Variants in B3GNT8 observed in about 807,000 individuals in gnomAD.
The protein encoded by B3GNT8 is UDP-GlcNAc:betaGal beta-1,3-N-acetylglucosaminyltransferase 8.
For missense variants in B3GNT8, 502 were observed against 530.5 expected (o/e 0.95, Z 0.53); for synonymous variants, 258 against 238.3 (o/e 1.08, Z -0.76).
Position 41,426,698 on chromosome 19 carries a change from G to T in B3GNT8, c.81C>A (p.Ser27=). 6.2e-7 allele frequency: 1 copy of T among 1,613,726 alleles called. No homozygotes were observed. Among genetic ancestry groups the T allele is most frequent in the Non-Finnish European group, 8.5e-7 (1 of 1,179,934 alleles). Residue 27 remains serine, a synonymous_variant, in exon 2 of 2, where the codon TCC becomes TCA. Coordinates refer to ENST00000691102, the MANE Select transcript of B3GNT8 (RefSeq NM_001385648.2). The surrounding 1 kb of genome is among the most constrained non-coding windows in gnomAD (Gnocchi z 4.9). ...GGTAGGCCTTGCTGAGCCGGGACTCGGATGTCCACTCGATGTACACTTTGA... is the reference window on the plus strand; with the variant it reads ...GGTAGGCCTTGCTGAGCCGGGACTCTGATGTCCACTCGATGTACACTTTGA... ...LGLKVYIEWT[S]ESRLSKAYPS... is the part of the protein sequence containing the mutation.
rs140127499 is a variant in B3GNT8 at position 41,426,667 on chromosome 19, G to T, written c.112C>A (p.Pro38Thr). The T allele has an allele frequency of 6.2e-7, 1 of 1,613,664 alleles. No homozygotes were observed. The highest frequency in any genetic ancestry group is 8.5e-7 in the Non-Finnish European group (1 of 1,179,948). Residue 38 changes from proline to threonine, a missense_variant, in exon 2 of 2, where the codon CCT becomes ACT. Coordinates refer to ENST00000691102, the MANE Select transcript of B3GNT8 (RefSeq NM_001385648.2). The surrounding 1 kb of genome is among the most constrained non-coding windows in gnomAD (Gnocchi z 4.9). ...GTGGGGCTTGGCGGGGTGCCCCGAG[G>T]GCTGGGGTAGGCCTTGCTGAGCCGG... The part of the protein sequence containing the change: ...ESRLSKAYPS[P>T]RGTPPSPTPA...
rs1409909876 is a variant in B3GNT8 at position 41,427,239 on chromosome 19, C to T, written c.-33+45G>A. ...AAACCCAGCCTGCCTCCCGCAACAC[C>T]CCAACCCCAGGGACTGGGGAACCAG... On this transcript the variant is annotated intron_variant, in intron 1 of 1. Transcript: ENST00000691102. This position sits in a 1 kb window ranked among gnomAD's most constrained non-coding sequence, Gnocchi z 5.6. 3 of 189,416 alleles carry T rather than the reference C, an allele frequency of 1.6e-5. No homozygotes were observed. In the Admixed American group the frequency reaches 1.6e-4, roughly 10 times the overall value. The allele number at this position is 189,416 out of a possible 1,614,324, so 11.7% of individuals were successfully genotyped here.
chr19:41,428,154 G>T (rs1193573244), upstream of B3GNT8, among the ~76,000 whole-genome samples: 1 of 151,932 alleles, frequency 6.6e-6, no homozygotes, highest in Admixed American at 6.6e-5. This position sits in a 1 kb window ranked among gnomAD's most constrained non-coding sequence, Gnocchi z 6.1. Flanking sequence ...TCAGGCTTCC[G>T]AGCCAGACCC....
chr19:41,426,610 TG>T lies in B3GNT8; in HGVS notation c.168del (p.Asn57ThrfsTer111). On this transcript the variant is annotated frameshift_variant, in exon 2 of 2. Coordinates refer to ENST00000691102, the MANE Select transcript of B3GNT8 (RefSeq NM_001385648.2). LOFTEE classifies it low-confidence loss of function (END_TRUNC). The surrounding 1 kb of genome is among the most constrained non-coding windows in gnomAD (Gnocchi z 4.9). Reference protein sequence around the residue: ...TPANPEPTLPANLSTRLGQTI... With the variant: ...TPANPEPTLPXNLSTRLGQTI... ...GTCTGGCCCAGGCGGGTGGAGAGGT[TG>T]GCAGGTAGGGTGGGCTCAGGGTTGG... is the stretch of plus-strand genomic sequence containing the variant. The T allele has an allele frequency of 6.2e-7, 1 of 1,611,640 alleles. No individual in the cohort carries two copies. The highest frequency in any genetic ancestry group is 8.5e-7 in the Non-Finnish European group (1 of 1,178,982).
In B3GNT8 at chr19:41,426,927, AC is replaced by A; in HGVS notation, c.-32-118del. 1.3e-6 allele frequency: 1 copy of A among 768,156 alleles called. No homozygotes were observed. Among genetic ancestry groups the A allele is most frequent in the East Asian group, 2.7e-5 (1 of 37,484 alleles). 47.6% of individuals were successfully genotyped at this position (768,156 alleles called of 1,614,324 possible). ...TCACAATCTCCCATAGTCCCCGCCA[AC>A]CCCCATAACAGATTCTCTCGGTCCC... On this transcript the variant is annotated intron_variant, in intron 1 of 1. Coordinates refer to ENST00000691102, the MANE Select transcript of B3GNT8 (RefSeq NM_001385648.2). The surrounding 1 kb of genome is among the most constrained non-coding windows in gnomAD (Gnocchi z 4.9).
rs2039444013 is a variant in B3GNT8, at chr19:41,426,895, GACAGCTTC to G, written c.-32-93_-32-86del. The G allele has an allele frequency of 9.7e-7, 1 of 1,034,226 alleles. No individual in the cohort carries two copies. Among genetic ancestry groups the G allele is most frequent in the Non-Finnish European group, 1.4e-6 (1 of 695,488 alleles). The allele number at this position is 1,034,226 out of a possible 1,614,324, so 64.1% of individuals were successfully genotyped here. On this transcript the variant is annotated intron_variant, in intron 1 of 1. Coordinates refer to ENST00000691102, the MANE Select transcript of B3GNT8 (RefSeq NM_001385648.2). This position sits in a 1 kb window ranked among gnomAD's most constrained non-coding sequence, Gnocchi z 4.9. The stretch of plus-strand genomic sequence containing the variant: ...AGAGGGCCCAGCCAGGCCCCAGGCA[GACAGCTTC>G]ACAATCTCCCATAGTCCCCGCCAAC...
In B3GNT8 at chr19:41,426,948, G is replaced by A. The variant is rs934686917; in HGVS notation, c.-32-138C>T. The A allele has an allele frequency of 1.5e-5, 11 of 716,836 alleles. No homozygotes were observed. Among genetic ancestry groups the A allele is most frequent in the African/African-American group, 8.8e-5 (5 of 56,504 alleles). The allele number at this position is 716,836 out of a possible 1,614,324, so 44.4% of individuals were successfully genotyped here. On this transcript the variant is annotated intron_variant, in intron 1 of 1. Coordinates refer to ENST00000691102, the MANE Select transcript of B3GNT8 (RefSeq NM_001385648.2). The surrounding 1 kb of genome is among the most constrained non-coding windows in gnomAD (Gnocchi z 4.9). ...GCCAACCCCCATAACAGATTCTCTC[G>A]GTCCCAGATCCTAAACAGCTCCCCT...
rs1208958121 is a variant in B3GNT8 at position 41,426,934 on chromosome 19, T to C, written c.-32-124A>G. ...CTCCCATAGTCCCCGCCAACCCCCA[T>C]AACAGATTCTCTCGGTCCCAGATCC... is the stretch of plus-strand genomic sequence containing the variant. On this transcript the variant is annotated intron_variant, in intron 1 of 1. Coordinates refer to ENST00000691102, the MANE Select transcript of B3GNT8 (RefSeq NM_001385648.2). This position sits in a 1 kb window ranked among gnomAD's most constrained non-coding sequence, Gnocchi z 4.9. The C allele has an allele frequency of 1.3e-6, 1 of 749,238 alleles. No homozygotes were observed. Among genetic ancestry groups the C allele is most frequent in the Non-Finnish European group, 2.2e-6 (1 of 457,080 alleles). The allele number at this position is 749,238 out of a possible 1,614,324, so 46.4% of individuals were successfully genotyped here.
At chr19:41,427,477 A>AGGAGAGAG (rs2039449052), upstream of B3GNT8, 1 of 156,712 alleles carries the variant, frequency 6.4e-6, no homozygotes, top group South Asian at 1.8e-4. The surrounding 1 kb of genome is among the most constrained non-coding windows in gnomAD (Gnocchi z 5.6). Flanking sequence ...GGGCTGAGGC[A>AGGAGAGAG]GGAGAGAGGG....
At position 41,425,687 on chromosome 19, in the gene B3GNT8, C is replaced by T. The variant is rs763160567; in HGVS notation, c.1092G>A (p.Ala364=). Reference sequence around the variant, plus strand: ...GCAGGTTGCGGAAAGCACAGTGGTCCGCAGTGCGGTCTGCTGGCCAGGCTG... The same window carrying T: ...GCAGGTTGCGGAAAGCACAGTGGTCTGCAGTGCGGTCTGCTGGCCAGGCTG... The part of the protein sequence containing the change: ...FLTAWPADRT[A]DHCAFRNLLL... The change falls in exon 2 of 2, where the codon GCG becomes GCA. Residue 364 remains alanine (A), a synonymous_variant. Coordinates refer to ENST00000691102, the MANE Select transcript of B3GNT8 (RefSeq NM_001385648.2). 2.3e-5 allele frequency: 36 copies of T among 1,550,358 alleles called. No homozygotes were observed. Among genetic ancestry groups the T allele is most frequent in the African/African-American group, 5.5e-5 (4 of 72,554 alleles).
Position 41,425,642 on chromosome 19 carries a change from G to A in B3GNT8, c.1137C>T (p.Gly379=), listed in dbSNP as rs1161608483. 12 of 1,517,908 alleles carry A rather than the reference G, an allele frequency of 7.9e-6. No individual in the cohort carries two copies. Among genetic ancestry groups the A allele is most frequent in the African/African-American group, 2.8e-5 (2 of 71,666 alleles). 94.0% of individuals were successfully genotyped at this position (1,517,908 alleles called of 1,614,324 possible). A position where few individuals can be genotyped will look rare whatever the true frequency, so the allele number is the denominator to read the frequency against. Reference sequence around the variant, plus strand: ...TCCAGAGCCGAATGCTGGCCTGGGGGCCCAGGGGCCGTACCAGCAGCAGGT... The same window carrying A: ...TCCAGAGCCGAATGCTGGCCTGGGGACCCAGGGGCCGTACCAGCAGCAGGT... The part of the protein sequence containing the change: ...FRNLLLVRPL[G]PQASIRLWKQ... The change falls in exon 2 of 2, where the codon GGC becomes GGT. Residue 379 remains glycine (G), a synonymous_variant. Transcript: ENST00000691102.
Position 41,425,695 on chromosome 19 carries a change from G to C in B3GNT8, c.1084C>G (p.Arg362Gly), listed in dbSNP as rs762307853. ...PGFLTAWPADRTADHCAFRNL... is the reference protein window; with the variant it reads ...PGFLTAWPADGTADHCAFRNL... ...CGGAAAGCACAGTGGTCCGCAGTGC[G>C]GTCTGCTGGCCAGGCTGTGAGGAAG... Residue 362 changes from arginine (R) to glycine (G), a missense_variant, in exon 2 of 2, where the codon CGC becomes GGC. Physicochemically the swap from Arg to Gly is moderately radical, Grantham distance 125. Transcript: ENST00000691102. The C allele has an allele frequency of 1.9e-6, 3 of 1,561,146 alleles. No individual in the cohort carries two copies. The highest frequency in any genetic ancestry group is 2.7e-5 in the African/African-American group (2 of 72,876).
chr19:41,425,969 G>C lies in B3GNT8; in HGVS notation c.810C>G (p.Ser270Arg), dbSNP rs1229277546. The C allele has an allele frequency of 1.9e-6, 3 of 1,612,724 alleles. No homozygotes were observed. The highest frequency in any genetic ancestry group is 1.1e-5 in the South Asian group (1 of 91,070). The change falls in exon 2 of 2, where the codon AGC (serine) becomes AGG (arginine). Residue 270 changes from serine (S) to arginine (R), a missense_variant. Ser to Arg is a moderately radical substitution (Grantham distance 110, BLOSUM62 -1). Transcript: ENST00000691102. Reference sequence around the variant, plus strand: ...GGGTAAAGACCTCACCCAGGTAGAGGCTTCGGGCCGAGGCAGGTGGCAGGG... The same window carrying C: ...GGGTAAAGACCTCACCCAGGTAGAGCCTTCGGGCCGAGGCAGGTGGCAGGG... ...LRALPPASAR[S>R]LYLGEVFTQA...
At position 41,426,092 on chromosome 19, in the gene B3GNT8, C is replaced by G. The variant is rs2039430393; in HGVS notation, c.687G>C (p.Leu229=). The part of the protein sequence containing the change: ...FNQTLKDLLL[L]AWLGRHCPTV... Reference sequence around the variant, plus strand: ...TGGGGCAGTGGCGGCCCAGCCAGGCCAGCAGCAGCAGGTCTTTGAGCGTCT... The same window carrying G: ...TGGGGCAGTGGCGGCCCAGCCAGGCGAGCAGCAGCAGGTCTTTGAGCGTCT... Residue 229 remains leucine (L), a synonymous_variant, in exon 2 of 2, where the codon CTG becomes CTC. Coordinates refer to ENST00000691102, the MANE Select transcript of B3GNT8 (RefSeq NM_001385648.2). The surrounding 1 kb of genome is among the most constrained non-coding windows in gnomAD (Gnocchi z 4.9). 6.2e-7 allele frequency: 1 copy of G among 1,613,488 alleles called. No homozygotes were observed. Among genetic ancestry groups the G allele is most frequent in the South Asian group, 1.1e-5 (1 of 91,092 alleles).
chr19:41,426,346 T>C lies in B3GNT8; in HGVS notation c.433A>G (p.Thr145Ala). 1.9e-6 allele frequency: 3 copies of C among 1,613,180 alleles called. No individual in the cohort carries two copies. Among genetic ancestry groups the C allele is most frequent in the Non-Finnish European group, 2.5e-6 (3 of 1,180,008 alleles). The change falls in exon 2 of 2, where the codon ACT becomes GCT. Residue 145 changes from threonine (T) to alanine (A), a missense_variant. Transcript: ENST00000691102. The surrounding 1 kb of genome is among the most constrained non-coding windows in gnomAD (Gnocchi z 4.9). Reference sequence around the variant, plus strand: ...GCCAACAGCAGGTAGGGGACATCAGTATCTGAGCAGCTGGAGACTTGGCTG... The same window carrying C: ...GCCAACAGCAGGTAGGGGACATCAGCATCTGAGCAGCTGGAGACTTGGCTG... ...GGSQVSSCSD[T>A]DVPYLLLAVK...
chr19:41,425,955 T>C lies in B3GNT8; in HGVS notation c.824A>G (p.Glu275Gly). ...GAGAGGCATGGCCTGGGTAAAGACC[T>C]CACCCAGGTAGAGGCTTCGGGCCGA... ...PASARSLYLG[E>G]VFTQAMPLRK... is the part of the protein sequence containing the mutation. Residue 275 changes from glutamate (E) to glycine (G), a missense_variant, in exon 2 of 2, where the codon GAG (glutamate) becomes GGG (glycine). By Grantham distance (98) the Glu-to-Gly change is moderately conservative. Transcript: ENST00000691102. The C allele has an allele frequency of 6.2e-7, 1 of 1,613,150 alleles. No homozygotes were observed. Among genetic ancestry groups the C allele is most frequent in the Non-Finnish European group, 8.5e-7 (1 of 1,179,876 alleles).
Position 41,425,549 on chromosome 19 carries a change from A to AGGCCAGGGCAGG in B3GNT8, c.*35_*36insCCTGCCCTGGCC. ...AGCCAGGGGCCGGCCCCAGAGGCCCAGGCCAGGTCAGCACCTCCGCCCTCC... is the reference window on the plus strand; with the variant it reads ...AGCCAGGGGCCGGCCCCAGAGGCCCAGGCCAGGGCAGGGGCCAGGTCAGCACCTCCGCCCTCC... On this transcript the variant is annotated 3_prime_UTR_variant, in exon 2 of 2. Transcript: ENST00000691102. The AGGCCAGGGCAGG allele has an allele frequency of 7.1e-7, 1 of 1,404,230 alleles. No homozygotes were observed. Among genetic ancestry groups the AGGCCAGGGCAGG allele is most frequent in the Non-Finnish European group, 9.3e-7 (1 of 1,070,022 alleles). 87.0% of individuals were successfully genotyped at this position (1,404,230 alleles called of 1,614,324 possible).
Position 41,426,499 on chromosome 19 carries a change from A to G in B3GNT8, c.280T>C (p.Cys94Arg), listed in dbSNP as rs771298197. The part of the protein sequence containing the change: ...PSGDSTETGG[C>R]QAWGAAAATE... Reference sequence around the variant, plus strand: ...GCGGCGGCGGCCCCCCAAGCCTGGCAGCCCCCCGTTTCAGTGCTGTCCCCA... The same window carrying G: ...GCGGCGGCGGCCCCCCAAGCCTGGCGGCCCCCCGTTTCAGTGCTGTCCCCA... The change falls in exon 2 of 2, where the codon TGC becomes CGC. Residue 94 changes from cysteine to arginine, a missense_variant. By Grantham distance (180) the Cys-to-Arg change is radical (BLOSUM62 -3). Coordinates refer to ENST00000691102, the MANE Select transcript of B3GNT8 (RefSeq NM_001385648.2). This position sits in a 1 kb window ranked among gnomAD's most constrained non-coding sequence, Gnocchi z 4.9. 1.3e-6 allele frequency: 2 copies of G among 1,597,352 alleles called. No individual in the cohort carries two copies. The highest frequency in any genetic ancestry group is 1.7e-6 in the Non-Finnish European group (2 of 1,171,512).
upstream of B3GNT8, among the ~76,000 whole-genome samples, chr19:41,427,811 G>A (rs1401258807): frequency 6.6e-6 from 1 of 151,968 alleles, no homozygotes; most frequent in Non-Finnish European, 1.5e-5. The surrounding 1 kb of genome is among the most constrained non-coding windows in gnomAD (Gnocchi z 5.6). Context: ...TGAGTGGGAA[G>A]GGATCGGCGG....
Sources: allele counts gnomAD v4.1 joint callset (sites outside exome capture counted in the v4.1 genomes callset), GRCh38; gene constraint gnomAD v4.1.1; non-coding constraint Gnocchi (gnomAD v3.1); transcripts MANE v1.5; gene names NCBI Gene and HGNC (gene_info 2026-07-23, HGNC 2026-07-21).